Variants in PACS2 observed in about 807,000 individuals in gnomAD.
PACS2 encodes the protein phosphofurin acidic cluster sorting protein 2.
In PACS2, 36 loss-of-function variants were observed where a neutral mutation model predicts 113.0. That is an observed-to-expected ratio of 0.32 (90% CI 0.24 to 0.42). PACS2 has a LOEUF of 0.42. Among genes scored for constraint, PACS2 ranks in the 10% least tolerant of loss-of-function variants. The probability of loss-of-function intolerance (pLI) is 1.00; values close to 1 mark genes in which losing one functional copy is unlikely to be tolerated. For synonymous variants in PACS2, 589 were observed against 536.1 expected, an observed-to-expected ratio of 1.10 and a Z score of -1.36; for missense variants, 1,015 against 1,239.5, an observed-to-expected ratio of 0.82 and a Z score of 2.72.
intron 10 of PACS2, 102 bp from the exon 11 acceptor site, chr14:105,379,978 A>G (rs2080922890): frequency 2.3e-6 from 3 of 1,322,812 alleles, no homozygotes; most frequent in South Asian, 1.2e-5. Context: ...ACTGCCACGC[A>G]GGTACCCCGG....
At chr14:105,373,215 T>C (rs1450509416) in intron 8 of PACS2, among the ~76,000 whole-genome samples, 3 of 152,260 alleles carry the variant, frequency 2.0e-5, no homozygotes, top group Non-Finnish European at 4.4e-5. Flanking sequence ...TGTGTTTTTG[T>C]AGAAATTGAC....
intron 16 of PACS2, chr14:105,383,939 C>T (rs1367314158): frequency 7.3e-6 from 2 of 274,410 alleles, no homozygotes; most frequent in Non-Finnish European, 1.4e-5. Context: ...AACTCCATTA[C>T]TTCTTTAGGT....
chr14:105,380,723 A>T (rs1555411757), intron 11 of PACS2, among the ~76,000 whole-genome samples: 7 of 151,910 alleles, frequency 4.6e-5, no homozygotes. Context: ...GGCCCAGGGC[A>T]AGTCAGGTCC....
rs370005025 is a variant in PACS2 at position 105,382,878 on chromosome 14, G to A, written c.1590G>A (p.Ala530=). The part of the protein sequence containing the change: ...VCTCSPADVQ[A]AFSTIVSRIQ... ...CGTGCTCTCCTGCGGACGTCCAGGCGGCCTTCAGCACCATCGTCTCACGGA... is the reference window on the plus strand; with the variant it reads ...CGTGCTCTCCTGCGGACGTCCAGGCAGCCTTCAGCACCATCGTCTCACGGA... Residue 530 remains alanine, a synonymous_variant, in exon 15 of 25, where the codon GCG becomes GCA. Transcript: ENST00000447393. 15 of 1,606,800 alleles carry A rather than the reference G, an allele frequency of 9.3e-6. No individual in the cohort carries two copies. The highest frequency in any genetic ancestry group is 6.7e-5 in the East Asian group (3 of 44,882).
At chr14:105,359,808 G>T (rs1017427229) in intron 4 of PACS2, among the ~76,000 whole-genome samples, 2 of 151,994 alleles carry the variant, frequency 1.3e-5, no homozygotes, top group African/African-American at 2.4e-5. Context: ...AGCCAAGATG[G>T]TCTCGATCTC....
chr14:105,312,025 G>A (rs953353226), upstream of PACS2, among the ~76,000 whole-genome samples: 3 of 152,334 alleles, frequency 2.0e-5, no homozygotes, highest in Admixed American at 6.5e-5. Flanking sequence ...GGCTGGAGCC[G>A]CCAACTGACC....
chr14:105,335,136 C>T (rs1165251817), intron 1 of PACS2, among the ~76,000 whole-genome samples: 1 of 152,264 alleles, frequency 6.6e-6, no homozygotes, highest in Admixed American at 6.5e-5. Flanking sequence ...CCAGCCTTGC[C>T]ACAGGCTGAC....
chr14:105,370,038 G>C, intron 8 of PACS2, 138 bp downstream of exon 8: 1 of 741,728 alleles, frequency 1.3e-6, no homozygotes, highest in Non-Finnish European at 2.2e-6. Flanking sequence ...GCATCGCACA[G>C]TCTGCGAGGC....
rs782689040 is a variant in PACS2, at chr14:105,394,925, C to T, written c.*253C>T. On this transcript the variant is annotated 3_prime_UTR_variant, in exon 25 of 25. Coordinates refer to ENST00000447393, the MANE Select transcript of PACS2 (RefSeq NM_001100913.3). ...AAGGACGATGCTGAGCCATGGATCG[C>T]GGAAGGCGTCCTCTGGCCTCAGGAG... is the stretch of plus-strand genomic sequence containing the variant. 3.9e-5 allele frequency: 17 copies of T among 439,214 alleles called. No homozygotes were observed. The highest frequency in any genetic ancestry group is 8.0e-5 in the African/African-American group (4 of 49,932). The allele number at this position is 439,214 out of a possible 1,614,324, so 27.2% of individuals were successfully genotyped here.
chr14:105,338,668 A>T (rs587687230), intron 1 of PACS2, among the ~76,000 whole-genome samples: 1 of 152,200 alleles, frequency 6.6e-6, no homozygotes, highest in Admixed American at 6.5e-5. Flanking sequence ...ATCCACCCTG[A>T]CTGTGACCAT....
chr14:105,332,821 C>A (rs2059354676), intron 1 of PACS2, among the ~76,000 whole-genome samples: 1 of 152,202 alleles, frequency 6.6e-6, no homozygotes, highest in Non-Finnish European at 1.5e-5. Context: ...CTGAAACTCC[C>A]TGGAGGGGAG....
At chr14:105,313,177 T>C (rs1300165125), upstream of PACS2, among the ~76,000 whole-genome samples, 5 of 152,182 alleles carry the variant, frequency 3.3e-5, no homozygotes, top group African/African-American at 1.2e-4. Context: ...ACAGGCACCA[T>C]GTGTCAGGCG....
At chr14:105,378,408 G>A (rs1407906774) in intron 9 of PACS2, among the ~76,000 whole-genome samples, 5 of 152,120 alleles carry the variant, frequency 3.3e-5, no homozygotes, top group Admixed American at 2.0e-4. Context: ...TTTAGGGGGC[G>A]GGGGAGTTGT....
At chr14:105,364,989 T>C (rs1555407609) in intron 4 of PACS2, among the ~76,000 whole-genome samples, 1 of 152,226 alleles carries the variant, frequency 6.6e-6, no homozygotes, top group African/African-American at 2.4e-5. Flanking sequence ...TGAACCATTA[T>C]GCCCGGCCTC....
intron 1 of PACS2, among the ~76,000 whole-genome samples, chr14:105,342,175 T>TTGTA (rs2059751983): frequency 6.6e-6 from 1 of 152,000 alleles, no homozygotes; most frequent in Admixed American, 6.6e-5. Flanking sequence ...TCTTGTGGAT[T>TTGTA]TGTTTGTTTG....
chr14:105,303,335 C>A (rs1255103293), intron 1 of PACS2, among the ~76,000 whole-genome samples: 6 of 152,176 alleles, frequency 3.9e-5, no homozygotes, highest in Non-Finnish European at 7.3e-5. Context: ...CCTCCACCTC[C>A]CGGGTTCATG....
chr14:105,358,731 C>A lies in PACS2; in HGVS notation c.423+3554C>A, dbSNP rs587677459. 1.9e-3 allele frequency among the ~76,000 whole-genome samples: 283 copies of A among 152,336 alleles called. 1 individual carries two copies. Among genetic ancestry groups the A allele is most frequent in the African/African-American group, 6.5e-3 (270 of 41,582 alleles). On this transcript the variant is annotated intron_variant, in intron 4 of 24. Coordinates refer to ENST00000447393, the MANE Select transcript of PACS2 (RefSeq NM_001100913.3). This position sits in a 1 kb window ranked among gnomAD's most constrained non-coding sequence, Gnocchi z 4.9. ...TCTTGTGGCCTCGCCACAAGCTGCA[C>A]ATGCCACTGGGGCCAGGTCCAGCCC...
rs751583403 is a variant in PACS2, at chr14:105,324,600, G to A, written c.119+9563G>A. Among the ~76,000 whole-genome samples the A allele has an allele frequency of 3.9e-5, 6 of 152,226 alleles. No homozygotes were observed. The highest frequency in any genetic ancestry group is 3.3e-4 in the Admixed American group (5 of 15,292). On this transcript the variant is annotated intron_variant, in intron 1 of 24. Transcript: ENST00000447393. The surrounding 1 kb of genome is among the most constrained non-coding windows in gnomAD (Gnocchi z 4.7). ...GCTCCGCAGGCGCGCGCCGATGTGT[G>A]CTCAGCTCAGGCCGACTTAGCAGGG...
Position 105,366,303 on chromosome 14 carries a change from G to T in PACS2, c.424-910G>T, listed in dbSNP as rs917488915. Among the ~76,000 whole-genome samples, 6 of 152,224 alleles carry T rather than the reference G, an allele frequency of 3.9e-5. No homozygotes were observed. Among genetic ancestry groups the T allele is most frequent in the Admixed American group, 2.0e-4 (3 of 15,282 alleles). On this transcript the variant is annotated intron_variant, in intron 4 of 24. Coordinates refer to ENST00000447393, the MANE Select transcript of PACS2 (RefSeq NM_001100913.3). The surrounding 1 kb of genome is among the most constrained non-coding windows in gnomAD (Gnocchi z 4.3). ...GCGGAGGTTGCAGTGAGCCAAGATC[G>T]CACCATTGCACACCAGCCTGGGCCA...
Sources: allele counts gnomAD v4.1 joint callset (sites outside exome capture counted in the v4.1 genomes callset), GRCh38; gene constraint gnomAD v4.1.1; non-coding constraint Gnocchi (gnomAD v3.1); transcripts MANE v1.5; gene names NCBI Gene and HGNC (gene_info 2026-07-23, HGNC 2026-07-21).